The following STYK1 variants were observed in gnomAD, a reference collection of about 807,000 sequenced individuals.
STYK1 encodes the protein tyrosine-protein kinase STYK1.
STYK1 carries 46 observed loss-of-function variants against 48.1 expected under a neutral mutation model. The ratio of observed to expected loss-of-function variants is 0.96; its 90% CI spans 0.75 to 1.22. STYK1 has a LOEUF of 1.22. Among genes scored for constraint, STYK1 ranks in the 50% most tolerant of loss-of-function variants. The pLI is 0.00. For synonymous variants in STYK1, 188 were observed against 189.0 expected (o/e 0.99, Z 0.04); for missense variants, 527 against 521.1 (o/e 1.01, Z -0.11).
intron 1 of STYK1, among the ~76,000 whole-genome samples, chr12:10,648,131 G>A (rs1340226495): frequency 6.6e-6 from 1 of 152,138 alleles, no homozygotes; most frequent in East Asian, 1.9e-4. Context: ...TACAGCTGGG[G>A]TTGAGAAGTA....
chr12:10,629,636 G>A lies in STYK1; in HGVS notation c.490C>T (p.Arg164Ter), dbSNP rs759063099. 57 of 1,614,026 alleles carry A rather than the reference G, an allele frequency of 3.5e-5. No individual in the cohort carries two copies. The highest frequency in any genetic ancestry group is 1.5e-4 in the African/African-American group (11 of 74,924). ...GLHEVQDFLG[R>*]IQFHQYLGKH... ...CCCAGGTATTGATGGAATTGGATTC[G>A]CCCTAAGAAATCTTGTACCTCATGG... The change falls in exon 6 of 11, where the codon CGA becomes TGA. Residue 164 changes from arginine to a stop codon, truncating the protein, a stop_gained. Coordinates refer to ENST00000075503, the MANE Select transcript of STYK1 (RefSeq NM_018423.3). LOFTEE classifies it high-confidence loss of function.
At chr12:10,635,644 T>TC (rs927378590) in intron 2 of STYK1, among the ~76,000 whole-genome samples, 4 of 152,074 alleles carry the variant, frequency 2.6e-5, no homozygotes, top group Non-Finnish European at 5.9e-5. Flanking sequence ...AAAATATTTC[T>TC]CCCCCCCATT....
At chr12:10,669,327 G>A (rs531226624) in intron 1 of STYK1, among the ~76,000 whole-genome samples, 1 of 152,174 alleles carries the variant, frequency 6.6e-6, no homozygotes, top group South Asian at 2.1e-4. Flanking sequence ...GTTCGATAGG[G>A]ACACATTTTT....
intron 1 of STYK1, among the ~76,000 whole-genome samples, chr12:10,650,002 T>C (rs921086783): frequency 3.3e-5 from 5 of 151,150 alleles, no homozygotes; most frequent in Non-Finnish European, 7.4e-5. Flanking sequence ...TAGTCCCAGC[T>C]ACTCGGGAGG....
chr12:10,652,374 C>T (rs538596896), intron 1 of STYK1, among the ~76,000 whole-genome samples: 2 of 152,186 alleles, frequency 1.3e-5, no homozygotes, highest in East Asian at 1.9e-4. Context: ...TGTAAAATAA[C>T]GGGTCATAGA....
At chr12:10,641,499 G>T (rs896290514) in intron 1 of STYK1, among the ~76,000 whole-genome samples, 1 of 152,174 alleles carries the variant, frequency 6.6e-6, no homozygotes, top group Admixed American at 6.5e-5. Context: ...CAGAGAGGAG[G>T]GCCCAAGCTG....
At chr12:10,627,223 G>A (rs534872020) in intron 7 of STYK1, among the ~76,000 whole-genome samples, 1 of 152,164 alleles carries the variant, frequency 6.6e-6, no homozygotes, top group East Asian at 1.9e-4. Context: ...ACTTCCTTCT[G>A]GTTCTGTCGC....
chr12:10,666,709 C>T lies in STYK1; in HGVS notation c.-195+7257G>A, dbSNP rs116926473. 8.5e-5 allele frequency among the ~76,000 whole-genome samples: 13 copies of T among 152,292 alleles called. No homozygotes were observed. The East Asian group carries it at 1.7e-3, about 20-fold the overall frequency. ...TTCTCGTGATAGGAATAAGTTCTCACGAGATCTGATGGTTTTATAAGGGGC... is the reference window on the plus strand; with the variant it reads ...TTCTCGTGATAGGAATAAGTTCTCATGAGATCTGATGGTTTTATAAGGGGC... On this transcript the variant is annotated intron_variant, in intron 1 of 10. Transcript: ENST00000075503.
chr12:10,647,486 C>A (rs191923461), intron 1 of STYK1, among the ~76,000 whole-genome samples: 54 of 152,316 alleles, frequency 3.5e-4, no homozygotes, highest in Non-Finnish European at 6.3e-4. Context: ...TAAGAAATAA[C>A]TAACTTGCTT....
chr12:10,659,236 T>A (rs1947750807), intron 1 of STYK1, among the ~76,000 whole-genome samples: 1 of 152,228 alleles, frequency 6.6e-6, no homozygotes, highest in Non-Finnish European at 1.5e-5. Flanking sequence ...ATTTTTGAGT[T>A]ATCTGTAGCT....
chr12:10,645,997 T>A (rs1469242812), intron 1 of STYK1, among the ~76,000 whole-genome samples: 1 of 152,224 alleles, frequency 6.6e-6, no homozygotes, highest in East Asian at 1.9e-4. Flanking sequence ...TTGGGAGGCC[T>A]CCCTAGTCAC....
At chr12:10,623,156 G>A (rs1473341576) in intron 8 of STYK1, among the ~76,000 whole-genome samples, 1 of 150,316 alleles carries the variant, frequency 6.7e-6, no homozygotes, top group African/African-American at 2.5e-5. Flanking sequence ...ATATTAACAG[G>A]GCAAGCTTTA....
chr12:10,622,784 T>G, intron 8 of STYK1, 106 bp from the exon 9 acceptor site: 2 of 1,330,702 alleles, frequency 1.5e-6, no homozygotes, highest in Non-Finnish European at 2.1e-6. Context: ...AAAAAGGCAA[T>G]GAAGGAGAAT....
At chr12:10,626,168 A>G (rs1947356676) in intron 7 of STYK1, among the ~76,000 whole-genome samples, 1 of 152,200 alleles carries the variant, frequency 6.6e-6, no homozygotes, top group African/African-American at 2.4e-5. Flanking sequence ...CCATGATAAG[A>G]ATTAAAGAAT....
rs769680668 is a variant in STYK1, at chr12:10,634,093, G to T, written c.84C>A (p.Ile28=). 2 of 1,614,092 alleles carry T rather than the reference G, an allele frequency of 1.2e-6. No individual in the cohort carries two copies. Among genetic ancestry groups the T allele is most frequent in the Non-Finnish European group, 1.7e-6 (2 of 1,180,006 alleles). The part of the protein sequence containing the change: ...VIQEKQYEVI[I]VPTLLVTIFL... ...AGATAGTAACCAACAAAGTTGGGAC[G>T]ATAATCACTTCATACTGCTTCTCCT... The change falls in exon 4 of 11, where the codon ATC becomes ATA. Residue 28 remains isoleucine, a synonymous_variant. Transcript: ENST00000075503.
At position 10,650,768 on chromosome 12, in the gene STYK1, A is replaced by T. The variant is rs371905713; in HGVS notation, c.-194-13572T>A. 9.9e-4 allele frequency among the ~76,000 whole-genome samples: 151 copies of T among 152,248 alleles called. 1 individual carries two copies. Among genetic ancestry groups the T allele is most frequent in the African/African-American group, 3.5e-3 (146 of 41,552 alleles). ...GTAATTCCAGTACTTTGGGAGGCGG[A>T]GGCAGGCGGATGACCTGAGGTTAGG... On this transcript the variant is annotated intron_variant, in intron 1 of 10. Coordinates refer to ENST00000075503, the MANE Select transcript of STYK1 (RefSeq NM_018423.3).
chr12:10,636,376 C>G (rs972050964), intron 2 of STYK1, among the ~76,000 whole-genome samples: 12 of 152,174 alleles, frequency 7.9e-5, no homozygotes, highest in Non-Finnish European at 1.6e-4. Flanking sequence ...AAAATTGGCA[C>G]AGAAGAGGGA....
Position 10,619,754 on chromosome 12 carries a change from T to A in STYK1, c.*390A>T. ...TTTCCCTTCAACTCTTTTATTGGAT[T>A]TCTATTCCTTCATTTCATTCCAAAT... On this transcript the variant is annotated 3_prime_UTR_variant, in exon 11 of 11. Coordinates refer to ENST00000075503, the MANE Select transcript of STYK1 (RefSeq NM_018423.3). 2.7e-6 allele frequency: 1 copy of A among 371,044 alleles called. No individual in the cohort carries two copies. 23.0% of individuals were successfully genotyped at this position (371,044 alleles called of 1,614,324 possible). A position where few individuals can be genotyped will look rare whatever the true frequency, so the allele number is the denominator to read the frequency against.
At chr12:10,666,765 C>A (rs113787214) in intron 1 of STYK1, among the ~76,000 whole-genome samples, 10 of 152,172 alleles carry the variant, frequency 6.6e-5, no homozygotes, top group Non-Finnish European at 1.5e-4. Context: ...CACATGCTTT[C>A]TCTCACCTCC....
Sources: allele counts gnomAD v4.1 joint callset (sites outside exome capture counted in the v4.1 genomes callset), GRCh38; gene constraint gnomAD v4.1.1; transcripts MANE v1.5; gene names NCBI Gene and HGNC (gene_info 2026-07-23, HGNC 2026-07-21).